The following PKP3 variants were observed in gnomAD, a reference collection of about 807,000 sequenced individuals.
PKP3 encodes the protein plakophilin 3, also known as plakophilin-3.
PKP3 carries 66 observed loss-of-function variants against 76.5 expected under a neutral mutation model. The ratio of observed to expected loss-of-function variants is 0.86; its 90% CI spans 0.71 to 1.06. The LOEUF is 1.06. Ranked by LOEUF, PKP3 falls within the 50% of genes least tolerant of loss-of-function variation. The pLI is 0.00. For synonymous variants in PKP3, 638 were observed against 516.5 expected (o/e 1.24, Z -3.19); for missense variants, 1,338 against 1,141.0 (o/e 1.17, Z -2.49).
rs772699681 is a variant in PKP3 at position 400,155 on chromosome 11, G to T, written c.1448+14G>T. The T allele has an allele frequency of 2.6e-6, 4 of 1,528,432 alleles. No individual in the cohort carries two copies. Among genetic ancestry groups the T allele is most frequent in the Non-Finnish European group, 3.5e-6 (4 of 1,141,226 alleles). The allele number at this position is 1,528,432 out of a possible 1,614,324, so 94.7% of individuals were successfully genotyped here. On this transcript the variant is annotated intron_variant, in intron 6 of 12. Coordinates refer to ENST00000331563, the MANE Select transcript of PKP3 (RefSeq NM_007183.4). ...CGGCTTCCTCAGGTGCGCCAGCCTCGGGCAGCGGGGTGGGGATTGCAGGCG... is the reference window on the plus strand; with the variant it reads ...CGGCTTCCTCAGGTGCGCCAGCCTCTGGCAGCGGGGTGGGGATTGCAGGCG...
In PKP3 at chr11:400,382, C is replaced by A; in HGVS notation, c.1497C>A (p.Cys499Ter). 4 of 1,549,240 alleles carry A rather than the reference C, an allele frequency of 2.6e-6. No individual in the cohort carries two copies. Among genetic ancestry groups the A allele is most frequent in the Non-Finnish European group, 3.5e-6 (4 of 1,146,332 alleles). ...SQATRQKMRE[C>*]HGLVDALVTS... ...CCACTCGCCAGAAGATGCGGGAGTG[C>A]CACGGGCTGGTGGACGCCCTGGTCA... Residue 499 changes from cysteine (C) to a stop codon, truncating the protein, a stop_gained, in exon 7 of 13, where the codon TGC becomes TGA. Transcript: ENST00000331563. LOFTEE classifies it high-confidence loss of function.
intron 4 of PKP3, chr11:397,895 C>T (rs1385073488): frequency 5.6e-6 from 3 of 532,832 alleles, no homozygotes; most frequent in South Asian, 2.1e-5. Context: ...CACCTCCGTA[C>T]ACCCGCACAC....
At position 404,744 on chromosome 11, in the gene PKP3, A is replaced by G; in HGVS notation, c.*175A>G. The G allele has an allele frequency of 1.6e-6, 1 of 617,404 alleles. No homozygotes were observed. The highest frequency in any genetic ancestry group is 2.9e-6 in the Non-Finnish European group (1 of 349,004). The allele number at this position is 617,404 out of a possible 1,614,324, so 38.2% of individuals were successfully genotyped here. A position where few individuals can be genotyped will look rare whatever the true frequency, so the allele number is the denominator to read the frequency against. On this transcript the variant is annotated 3_prime_UTR_variant, in exon 13 of 13. Transcript: ENST00000331563. The surrounding 1 kb of genome is among the most constrained non-coding windows in gnomAD (Gnocchi z 4.2). The stretch of plus-strand genomic sequence containing the variant: ...GCCACCAGGAGGGGCAGGGTCTTAT[A>G]GCTGGGGACTTGGCTTCCGCAGGGC...
rs183012301 is a variant in PKP3, at chr11:399,371, C to T, written c.1273+175C>T. 1.4e-3 allele frequency among the ~76,000 whole-genome samples: 48 copies of T among 33,976 alleles called. 3 individuals are homozygous for T. In the East Asian group the frequency reaches 0.05, roughly 35 times the overall value. 22.3% of individuals were successfully genotyped at this position (33,976 alleles called of 152,430 possible). On this transcript the variant is annotated intron_variant, in intron 5 of 12. Coordinates refer to ENST00000331563, the MANE Select transcript of PKP3 (RefSeq NM_007183.4). ...CTCCTCCCCCCCTCTGCCTTACCCC[C>T]CCACCTGCCCGCCATCTGCCCCACT... is the stretch of plus-strand genomic sequence containing the variant.
At chr11:396,761 C>T in intron 2 of PKP3, 53 bp from the exon 3 acceptor site, 1 of 1,571,348 alleles carries the variant, frequency 6.4e-7, no homozygotes, top group Non-Finnish European at 8.6e-7. Context: ...CTGCAGCGGG[C>T]CCGGACACAG....
At position 404,622 on chromosome 11, in the gene PKP3, T is replaced by C; in HGVS notation, c.*53T>C. On this transcript the variant is annotated 3_prime_UTR_variant, in exon 13 of 13. Transcript: ENST00000331563. This position sits in a 1 kb window ranked among gnomAD's most constrained non-coding sequence, Gnocchi z 4.2. ...GTGGCCCAGCGTCCAAGGGACAGAC[T>C]CAGCTCCAGGCTGCTTGGCAGCCCA... 6.4e-7 allele frequency: 1 copy of C among 1,573,028 alleles called. No homozygotes were observed. The highest frequency in any genetic ancestry group is 1.7e-5 in the Admixed American group (1 of 59,872).
In PKP3 at chr11:396,407, T is replaced by G. The variant is rs544137235; in HGVS notation, c.233-201T>G. 5.3e-5 allele frequency: 27 copies of G among 507,746 alleles called. No individual in the cohort carries two copies. In the East Asian group the frequency reaches 8.4e-4, roughly 16 times the overall value. The allele number at this position is 507,746 out of a possible 1,614,324, so 31.5% of individuals were successfully genotyped here. A position where few individuals can be genotyped will look rare whatever the true frequency, so the allele number is the denominator to read the frequency against. ...CAGCTGGGGGGTGGGCTGTGGAAGATGGACCACCAGGGCTGACATGTGAGG... is the reference window on the plus strand; with the variant it reads ...CAGCTGGGGGGTGGGCTGTGGAAGAGGGACCACCAGGGCTGACATGTGAGG... On this transcript the variant is annotated intron_variant, in intron 1 of 12. Coordinates refer to ENST00000331563, the MANE Select transcript of PKP3 (RefSeq NM_007183.4).
chr11:399,252 T>TC (rs1483856362), intron 5 of PKP3, 56 bp downstream of exon 5: 4 of 1,100,378 alleles, frequency 3.6e-6, no homozygotes, highest in East Asian at 3.5e-5. Flanking sequence ...CCTCTGCCTA[T>TC]CCCCCCTGCC....
At position 397,095 on chromosome 11, in the gene PKP3, G is replaced by A. The variant is rs764892945; in HGVS notation, c.594G>A (p.Val198=). 5.0e-6 allele frequency: 8 copies of A among 1,598,176 alleles called. No homozygotes were observed. The South Asian group carries it at 5.5e-5, about 11-fold the overall frequency. The change falls in exon 3 of 13, where the codon GTG becomes GTA. Residue 198 remains valine, a synonymous_variant. Coordinates refer to ENST00000331563, the MANE Select transcript of PKP3 (RefSeq NM_007183.4). The stretch of plus-strand genomic sequence containing the variant: ...GCCTGGACGACCGCTACAGCCTGGT[G>A]TCTGAGCAGCTGGAGCCCGCGGCCA... ...PGGLDDRYSL[V]SEQLEPAATS...
chr11:400,194 G>A (rs1304823935), intron 6 of PKP3, 53 bp downstream of exon 6: 6 of 1,455,984 alleles, frequency 4.1e-6, no homozygotes, highest in Non-Finnish European at 5.5e-6. Context: ...GTCACTGTGG[G>A]GACTCCGCCT....
upstream of PKP3, chr11:394,200 G>A (rs533986064): frequency 2.4e-5 from 33 of 1,379,238 alleles, no homozygotes; most frequent in East Asian, 4.4e-4. Flanking sequence ...CTGGCTGGGC[G>A]GGGACTTCAG....
At chr11:392,689 G>A, upstream of PKP3, 4 of 1,286,852 alleles carry the variant, frequency 3.1e-6, no homozygotes, top group Non-Finnish European at 4.0e-6. Flanking sequence ...GAGGCTGGCG[G>A]GATCCGGACC....
At chr11:403,586 C>T (rs374577798) in intron 9 of PKP3, 32 bp from the exon 10 acceptor site, 28 of 1,594,302 alleles carry the variant, frequency 1.8e-5, no homozygotes, top group African/African-American at 5.4e-5. Context: ...CTGAGGCCTC[C>T]GGGTCACGGC....
In PKP3 at chr11:394,318, C is replaced by T. The variant is rs1365900299; in HGVS notation, c.26C>T (p.Ser9Leu). The T allele has an allele frequency of 4.8e-5, 73 of 1,514,262 alleles. 1 individual carries two copies. The highest frequency in any genetic ancestry group is 6.0e-5 in the Non-Finnish European group (68 of 1,138,046). The allele number at this position is 1,514,262 out of a possible 1,614,324, so 93.8% of individuals were successfully genotyped here. MQDGNFLL[S>L]ALQPEAGVCS... ...ATGCAGGACGGTAACTTCCTGCTGTCGGCCCTGCAGCCTGAGGCCGGCGTG... is the reference window on the plus strand; with the variant it reads ...ATGCAGGACGGTAACTTCCTGCTGTTGGCCCTGCAGCCTGAGGCCGGCGTG... The change falls in exon 1 of 13, where the codon TCG becomes TTG. Residue 9 changes from serine (S) to leucine (L), a missense_variant. Ser to Leu is a moderately radical substitution (Grantham distance 145). Transcript: ENST00000331563.
At chr11:403,877 G>A in intron 10 of PKP3, 66 bp from the exon 11 acceptor site, 1 of 1,558,940 alleles carries the variant, frequency 6.4e-7, no homozygotes, top group Admixed American at 1.7e-5. Context: ...CCTGGGGGAG[G>A]CAGGGGACCC....
In PKP3 at chr11:404,144, C is replaced by T. The variant is rs115948888; in HGVS notation, c.2270+9C>T. Reference sequence around the variant, plus strand: ...AAGAAGAAGCGGGACAGGTAGGGGCCGACCCAGCCGTGCAGCAGCCTGGTC... The same window carrying T: ...AAGAAGAAGCGGGACAGGTAGGGGCTGACCCAGCCGTGCAGCAGCCTGGTC... On this transcript the variant is annotated intron_variant, in intron 11 of 12. Transcript: ENST00000331563. The surrounding 1 kb of genome is among the most constrained non-coding windows in gnomAD (Gnocchi z 4.2). 768 of 1,608,256 alleles carry T rather than the reference C, an allele frequency of 4.8e-4. 5 individuals are homozygous for T. In the African/African-American group the frequency reaches 8.3e-3, roughly 17 times the overall value.
chr11:400,181 C>T (rs1218054820), intron 6 of PKP3, 40 bp downstream of exon 6: 10 of 1,484,336 alleles, frequency 6.7e-6, no homozygotes, highest in South Asian at 5.4e-5. Context: ...ATTGCAGGCG[C>T]GGGTCACTGT....
intron 10 of PKP3, 25 bp from the exon 11 acceptor site, chr11:403,918 C>A: frequency 6.3e-7 from 1 of 1,577,952 alleles, no homozygotes; most frequent in Non-Finnish European, 8.6e-7. Flanking sequence ...AGTAGGGGTG[C>A]AGACTGACCC....
In PKP3 at chr11:400,334, G is replaced by A. The variant is rs866873820; in HGVS notation, c.1449G>A (p.Arg483=). The A allele has an allele frequency of 6.5e-7, 1 of 1,547,998 alleles. No individual in the cohort carries two copies. Among genetic ancestry groups the A allele is most frequent in the South Asian group, 1.2e-5 (1 of 83,884 alleles). The change falls in exon 7 of 13, where the codon AGG becomes AGA. Residue 483 remains arginine (R), a splice_region_variant and synonymous_variant. Transcript: ENST00000331563. ...EIFYNATGFL[R]NLSSASQATR... Reference sequence around the variant, plus strand: ...GGCTCTGATCCACCTCGGTCCCCAGGAACCTCAGCTCAGCCTCTCAGGCCA... The same window carrying A: ...GGCTCTGATCCACCTCGGTCCCCAGAAACCTCAGCTCAGCCTCTCAGGCCA...
Sources: gnomAD v4.1 joint callset for allele counts (sites outside exome capture counted in the v4.1 genomes callset) on GRCh38, gnomAD v4.1.1 for gene constraint, Gnocchi (gnomAD v3.1) non-coding constraint, MANE v1.5 for transcripts, NCBI Gene and HGNC (gene_info 2026-07-23, HGNC 2026-07-21) for gene names.